Variants in ATP6V1B2 observed in about 807,000 individuals in gnomAD.
The protein encoded by ATP6V1B2 is ATPase H+ transporting V1 subunit B2.
In ATP6V1B2, 23 loss-of-function variants were observed where a neutral mutation model predicts 66.7. The observed-to-expected ratio is 0.34, with a 90% CI of 0.25 to 0.49. ATP6V1B2 has a LOEUF of 0.49. Ranked by LOEUF, ATP6V1B2 falls within the 20% of genes least tolerant of loss-of-function variation. The pLI, the probability that ATP6V1B2 is intolerant of heterozygous loss-of-function variation, is 0.99. For synonymous variants in ATP6V1B2, 278 were observed against 236.7 expected, an observed-to-expected ratio of 1.17 and a Z score of -1.60; for missense variants, 478 against 650.8, an observed-to-expected ratio of 0.73 and a Z score of 2.89.
At chr8:20,216,793 T>C in intron 11 of ATP6V1B2, 2 of 279,084 alleles carry the variant, frequency 7.2e-6, no homozygotes, top group South Asian at 1.5e-4. Flanking sequence ...TTGTTATTGA[T>C]AGAAAAAAAT....
At chr8:20,198,581 A>G (rs1027338117) in intron 1 of ATP6V1B2, among the ~76,000 whole-genome samples, 9 of 152,208 alleles carry the variant, frequency 5.9e-5, no homozygotes, top group African/African-American at 2.2e-4. Flanking sequence ...AAACTGGGAA[A>G]AGCACATGAT....
intron 10 of ATP6V1B2, chr8:20,215,217 A>C: frequency 3.0e-6 from 1 of 333,588 alleles, no homozygotes. Context: ...TGCTGTTTGC[A>C]GGACACTGTT....
At chr8:20,215,360 A>G (rs1269743979) in intron 10 of ATP6V1B2, 1 of 153,530 alleles carries the variant, frequency 6.5e-6, no homozygotes, top group Non-Finnish European at 1.4e-5. Flanking sequence ...CATGAGGAGT[A>G]CAAGTGGGAA....
intron 13 of ATP6V1B2, among the ~76,000 whole-genome samples, chr8:20,219,947 G>A (rs972452759): frequency 6.6e-6 from 1 of 152,036 alleles, no homozygotes; most frequent in African/African-American, 2.4e-5. Context: ...ACTAATCTCT[G>A]GACAAAACAT....
chr8:20,216,795 G>A (rs2072858606), intron 11 of ATP6V1B2: 1 of 276,388 alleles, frequency 3.6e-6, no homozygotes, highest in Non-Finnish European at 6.8e-6. Context: ...GTTATTGATA[G>A]AAAAAAATGA....
intron 1 of ATP6V1B2, among the ~76,000 whole-genome samples, chr8:20,202,449 A>G (rs12335186): frequency 0.4 from 61,131 of 152,070 alleles, 13,365 homozygotes; most frequent in African/African-American, 0.58. Context: ...AATGTATGAT[A>G]GTGTTATCAA....
intron 6 of ATP6V1B2, 42 bp downstream of exon 6, chr8:20,211,358 G>C: frequency 1.3e-6 from 2 of 1,590,760 alleles, no homozygotes; most frequent in Non-Finnish European, 1.7e-6. Flanking sequence ...TAGCAGACAA[G>C]AATTTCTATA....
At position 20,221,233 on chromosome 8, in the gene ATP6V1B2, T is replaced by G. The variant is rs2128887240; in HGVS notation, c.*831T>G. On this transcript the variant is annotated 3_prime_UTR_variant, in exon 14 of 14. Coordinates refer to ENST00000276390, the MANE Select transcript of ATP6V1B2 (RefSeq NM_001693.4). ...ACATTCTGACATGCTAACAGTGGTTTAAGTTTCTAAAGTGTTTACCAGATG... is the reference window on the plus strand; with the variant it reads ...ACATTCTGACATGCTAACAGTGGTTGAAGTTTCTAAAGTGTTTACCAGATG... 1 of 152,360 alleles carries G rather than the reference T, an allele frequency of 6.6e-6. No homozygotes were observed. Among genetic ancestry groups the G allele is most frequent in the Admixed American group, 6.5e-5 (1 of 15,310 alleles). The allele number at this position is 152,360 out of a possible 1,614,324, so 9.4% of individuals were successfully genotyped here.
chr8:20,198,969 G>T (rs2072656079), intron 1 of ATP6V1B2, among the ~76,000 whole-genome samples: 1 of 152,108 alleles, frequency 6.6e-6, no homozygotes, highest in Non-Finnish European at 1.5e-5. Flanking sequence ...TATTAATTGC[G>T]TTTGTATGCA....
intron 5 of ATP6V1B2, 145 bp from the exon 6 acceptor site, chr8:20,211,032 C>A: frequency 9.3e-7 from 1 of 1,070,330 alleles, no homozygotes; most frequent in Non-Finnish European, 1.3e-6. Flanking sequence ...TGAAAAATAA[C>A]TGATTTTTTT....
chr8:20,203,992 T>C (rs912171944), intron 1 of ATP6V1B2: 8 of 456,066 alleles, frequency 1.8e-5, no homozygotes, highest in African/African-American at 1.6e-4. Flanking sequence ...TTTGTGACTT[T>C]TGTCACTTCT....
intron 12 of ATP6V1B2, 83 bp downstream of exon 12, chr8:20,217,407 A>G: frequency 8.3e-7 from 1 of 1,199,438 alleles, no homozygotes; most frequent in Non-Finnish European, 1.2e-6. Context: ...CACCCTTACC[A>G]CTTCTCTCTT....
intron 13 of ATP6V1B2, among the ~76,000 whole-genome samples, chr8:20,218,938 C>G (rs996349542): frequency 6.6e-6 from 1 of 152,174 alleles, no homozygotes; most frequent in African/African-American, 2.4e-5. Context: ...CAATTTTTAT[C>G]TACCTCTGCT....
At chr8:20,213,085 T>G in intron 9 of ATP6V1B2, 180 bp downstream of exon 9, 1 of 732,986 alleles carries the variant, frequency 1.4e-6, no homozygotes, top group South Asian at 1.8e-5. Context: ...TAGAAGTGAT[T>G]AGAGGTTAAG....
chr8:20,198,689 G>A (rs141982485), intron 1 of ATP6V1B2, among the ~76,000 whole-genome samples: 115 of 152,298 alleles, frequency 7.6e-4, no homozygotes, highest in African/African-American at 2.7e-3. Context: ...GATGAAGGGT[G>A]TTAGTCTGGG....
chr8:20,213,525 A>G (rs1475800853), intron 9 of ATP6V1B2: 1 of 153,292 alleles, frequency 6.5e-6, no homozygotes, highest in Admixed American at 6.5e-5. Context: ...TGGCACACAC[A>G]CTTGTAATCC....
intron 1 of ATP6V1B2, among the ~76,000 whole-genome samples, chr8:20,198,936 C>T (rs911968950): frequency 2.0e-5 from 3 of 152,158 alleles, no homozygotes; most frequent in African/African-American, 7.2e-5. Flanking sequence ...TAAATTTATA[C>T]CTACGAATTA....
At chr8:20,213,984 A>G (rs1015166661) in intron 9 of ATP6V1B2, 4 of 152,240 alleles carry the variant, frequency 2.6e-5, no homozygotes, top group African/African-American at 9.6e-5. Flanking sequence ...TTCAACAGGC[A>G]TAAAATTATT....
At chr8:20,217,041 A>C in intron 11 of ATP6V1B2, 179 bp from the exon 12 acceptor site, 1 of 588,084 alleles carries the variant, frequency 1.7e-6, no homozygotes, top group South Asian at 2.1e-5. Flanking sequence ...GCTATGCTAT[A>C]AAGTGTTTCT....
Sources: allele counts gnomAD v4.1 joint callset (sites outside exome capture counted in the v4.1 genomes callset), GRCh38; gene constraint gnomAD v4.1.1; transcripts MANE v1.5; gene names NCBI Gene and HGNC (gene_info 2026-07-23, HGNC 2026-07-21).